The following RAPGEF2 variants were observed in gnomAD, a reference collection of about 807,000 sequenced individuals.
RAPGEF2 encodes the protein PDZ domain containing guanine nucleotide exchange factor (GEF) 1.
Under a neutral mutation model 186.7 loss-of-function variants are expected in RAPGEF2, and 54 were observed. The ratio of observed to expected loss-of-function variants is 0.29; its 90% CI spans 0.23 to 0.36. RAPGEF2 has a LOEUF of 0.36. Among genes scored for constraint, RAPGEF2 ranks in the 10% least tolerant of loss-of-function variants. RAPGEF2 has a pLI of 1.00. For synonymous variants in RAPGEF2, 712 were observed against 705.9 expected (o/e 1.01, Z -0.14); for missense variants, 1,532 against 2,045.0 (o/e 0.75, Z 4.84).
At chr4:159,236,378 T>C (rs932555548) in intron 4 of RAPGEF2, among the ~76,000 whole-genome samples, 3 of 152,200 alleles carry the variant, frequency 2.0e-5, no homozygotes, top group African/African-American at 7.2e-5. Flanking sequence ...GTTGAACGAA[T>C]GACTAATTGG....
At chr4:159,335,269 GT>G (rs2111226371) in intron 17 of RAPGEF2, among the ~76,000 whole-genome samples, 1 of 152,274 alleles carries the variant, frequency 6.6e-6, no homozygotes, top group East Asian at 1.9e-4. Context: ...TGCCAAGTAA[GT>G]AGAAAAAGAC....
intron 8 of RAPGEF2, among the ~76,000 whole-genome samples, chr4:159,313,698 G>A (rs920429454): frequency 1.2e-4 from 18 of 151,992 alleles, no homozygotes; most frequent in African/African-American, 3.6e-4. Flanking sequence ...ATTTCATTTG[G>A]AAAAACACTT....
chr4:159,331,326 T>G, intron 13 of RAPGEF2, 105 bp from the exon 14 acceptor site: 1 of 630,616 alleles, frequency 1.6e-6, no homozygotes, highest in Non-Finnish European at 2.7e-6. Context: ...TCCTGTTTAT[T>G]ATTATTAGGT....
intron 19 of RAPGEF2, among the ~76,000 whole-genome samples, chr4:159,339,760 C>G (rs925690209): frequency 1.3e-5 from 2 of 152,328 alleles, no homozygotes; most frequent in African/African-American, 4.8e-5. Flanking sequence ...TAATCATATT[C>G]TAGTGTCATT....
intron 17 of RAPGEF2, among the ~76,000 whole-genome samples, chr4:159,333,087 C>G (rs916954128): frequency 2.0e-5 from 3 of 152,094 alleles, no homozygotes; most frequent in African/African-American, 7.2e-5. Context: ...TCAAGTGATT[C>G]TCCTGCTTCA....
chr4:159,178,098 T>G (rs1229780845), intron 1 of RAPGEF2, among the ~76,000 whole-genome samples: 1 of 152,234 alleles, frequency 6.6e-6, no homozygotes, highest in Admixed American at 6.5e-5. Context: ...AAAGACTTTT[T>G]AAAGGAATCA....
At chr4:159,285,303 G>C (rs905158582) in intron 7 of RAPGEF2, among the ~76,000 whole-genome samples, 1 of 151,878 alleles carries the variant, frequency 6.6e-6, no homozygotes, top group South Asian at 2.1e-4. Context: ...TGATTTATTT[G>C]GTGTGTTTTG....
intron 7 of RAPGEF2, among the ~76,000 whole-genome samples, chr4:159,286,380 A>G (rs1760497723): frequency 1.3e-5 from 2 of 152,042 alleles, no homozygotes; most frequent in Non-Finnish European, 2.9e-5. Context: ...CCAAATACCT[A>G]ATAGTACTTG....
chr4:159,115,976 T>C (rs1739005048), intron 1 of RAPGEF2, among the ~76,000 whole-genome samples: 2 of 152,082 alleles, frequency 1.3e-5, no homozygotes, highest in Non-Finnish European at 2.9e-5. Flanking sequence ...CCCACAACTA[T>C]AAAAACCCTA....
intron 1 of RAPGEF2, among the ~76,000 whole-genome samples, chr4:159,107,164 C>T (rs143894531): frequency 6.6e-6 from 1 of 152,248 alleles, no homozygotes; most frequent in South Asian, 2.1e-4. Context: ...TAACAAACTT[C>T]CTTGAAAATA....
In RAPGEF2 at chr4:159,186,600, T is replaced by G. The variant is rs535559614; in HGVS notation, c.70-42T>G. The G allele has an allele frequency of 2.5e-4, 276 of 1,095,056 alleles. 1 individual carries two copies. The highest frequency in any genetic ancestry group is 3.3e-4 in the Non-Finnish European group (263 of 788,780). 67.8% of individuals were successfully genotyped at this position (1,095,056 alleles called of 1,614,324 possible). On this transcript the variant is annotated intron_variant, in intron 1 of 29. Transcript: ENST00000691494. ...TGTGACTTATTTTAGAAACCCCTTT[T>G]CCTGACAGGTCTAATAATTTCTATT...
intron 4 of RAPGEF2, among the ~76,000 whole-genome samples, chr4:159,216,654 A>G (rs1751021560): frequency 6.6e-6 from 1 of 152,114 alleles, no homozygotes; most frequent in Non-Finnish European, 1.5e-5. Context: ...GCTCTACTTT[A>G]CAAAGCTGTA....
At chr4:159,204,530 T>A (rs933293889) in intron 3 of RAPGEF2, among the ~76,000 whole-genome samples, 1 of 152,236 alleles carries the variant, frequency 6.6e-6, no homozygotes, top group African/African-American at 2.4e-5. Flanking sequence ...ATCATACAGT[T>A]CTGATTGCCC....
intron 7 of RAPGEF2, among the ~76,000 whole-genome samples, chr4:159,272,024 A>G (rs778511849): frequency 2.0e-5 from 3 of 152,064 alleles, no homozygotes; most frequent in Non-Finnish European, 4.4e-5. Context: ...TCCATGTCTC[A>G]ACTTCCTCTG....
intron 7 of RAPGEF2, among the ~76,000 whole-genome samples, chr4:159,287,442 A>G (rs1362713550): frequency 6.6e-6 from 1 of 152,084 alleles, no homozygotes; most frequent in East Asian, 1.9e-4. Flanking sequence ...AATATGGATT[A>G]TTTTGAAGAT....
At position 159,353,445 on chromosome 4, in the gene RAPGEF2, A is replaced by G. The variant is rs772803023; in HGVS notation, c.4092-42A>G. 6 of 1,394,418 alleles carry G rather than the reference A, an allele frequency of 4.3e-6. No homozygotes were observed. The highest frequency in any genetic ancestry group is 2.5e-5 in the East Asian group (1 of 40,286). The allele number at this position is 1,394,418 out of a possible 1,614,324, so 86.4% of individuals were successfully genotyped here. A position where few individuals can be genotyped will look rare whatever the true frequency, so the allele number is the denominator to read the frequency against. Reference sequence around the variant, plus strand: ...TTTATCATAGGTGAATTAGTTATCAATCTTGTTTTTTTTTTCTTTTCCATT... The same window carrying G: ...TTTATCATAGGTGAATTAGTTATCAGTCTTGTTTTTTTTTTCTTTTCCATT... On this transcript the variant is annotated intron_variant, in intron 27 of 29. Coordinates refer to ENST00000691494, the MANE Select transcript of RAPGEF2 (RefSeq NM_001394067.2). The surrounding 1 kb of genome is among the most constrained non-coding windows in gnomAD (Gnocchi z 4.3).
At chr4:159,142,054 G>A (rs1208589643) in intron 1 of RAPGEF2, among the ~76,000 whole-genome samples, 3 of 152,024 alleles carry the variant, frequency 2.0e-5, no homozygotes, top group Admixed American at 6.6e-5. Flanking sequence ...TCTTTTCTAC[G>A]TTGTGTACAT....
At chr4:159,277,958 A>G (rs899447192) in intron 7 of RAPGEF2, among the ~76,000 whole-genome samples, 2 of 152,090 alleles carry the variant, frequency 1.3e-5, no homozygotes, top group Non-Finnish European at 2.9e-5. Flanking sequence ...ATTAGATCCC[A>G]TTTGTCAATT....
rs533895134 is a variant in RAPGEF2 at position 159,192,302 on chromosome 4, CA to C, written c.141-896del. On this transcript the variant is annotated intron_variant, in intron 2 of 29. Coordinates refer to ENST00000691494, the MANE Select transcript of RAPGEF2 (RefSeq NM_001394067.2). ...AGTACGGTGGTGGGAACGCGAAGAACAAGGAAAAAAAGTACCAAAGAGAGCT... is the reference window on the plus strand; with the variant it reads ...AGTACGGTGGTGGGAACGCGAAGAACAGGAAAAAAAGTACCAAAGAGAGCT... Among the ~76,000 whole-genome samples the C allele has an allele frequency of 3.0e-4, 45 of 151,816 alleles. No individual in the cohort carries two copies. The East Asian group carries it at 7.2e-3, about 24-fold the overall frequency.
Sources: allele counts gnomAD v4.1 joint callset (sites outside exome capture counted in the v4.1 genomes callset), GRCh38; gene constraint gnomAD v4.1.1; non-coding constraint Gnocchi (gnomAD v3.1); transcripts MANE v1.5; gene names NCBI Gene and HGNC (gene_info 2026-07-23, HGNC 2026-07-21).